The following ANKAR variants were observed in gnomAD, a reference collection of about 807,000 sequenced individuals.
The protein encoded by ANKAR is ankyrin and armadillo repeat-containing protein.
A neutral mutation model predicts 146.2 loss-of-function variants in ANKAR; 136 were observed. That is an observed-to-expected ratio of 0.93 (90% CI 0.81 to 1.07). ANKAR has a LOEUF of 1.07. Ranked by LOEUF, ANKAR falls within the 50% of genes least tolerant of loss-of-function variation. ANKAR has a pLI of 0.00. For missense variants in ANKAR, 1,567 were observed against 1,679.9 expected (o/e 0.93, Z 1.18); for synonymous variants, 500 against 575.8 (o/e 0.87, Z 1.88).
intron 7 of ANKAR, among the ~76,000 whole-genome samples, chr2:189,703,237 G>A (rs1047717280): frequency 1.3e-5 from 2 of 152,180 alleles, no homozygotes; most frequent in Admixed American, 6.5e-5. Flanking sequence ...GAAAAGATCA[G>A]ATTTATGTTT....
chr2:189,743,554 G>T, intron 21 of ANKAR, 80 bp downstream of exon 21: 1 of 1,266,650 alleles, frequency 7.9e-7, no homozygotes, highest in Non-Finnish European at 1.1e-6. Context: ...GATCCAACAA[G>T]AGGAACTATT....
rs577389959 is a variant in ANKAR at position 189,711,640 on chromosome 2, C to T, written c.2224+487C>T. Among the ~76,000 whole-genome samples the T allele has an allele frequency of 6.6e-5, 10 of 152,230 alleles. 1 individual carries two copies. In the South Asian group the frequency reaches 1.9e-3, roughly 28 times the overall value. ...CTACTGGGGTCCGTTCCAAGATGGC[C>T]AAATAGGAACAGCTCCGGTCTGCAG... On this transcript the variant is annotated intron_variant, in intron 10 of 22. Coordinates refer to ENST00000684021, the MANE Select transcript of ANKAR (RefSeq NM_001378068.1).
intron 12 of ANKAR, among the ~76,000 whole-genome samples, chr2:189,721,175 AC>A (rs1450754877): frequency 2.0e-5 from 3 of 151,982 alleles, no homozygotes; most frequent in African/African-American, 7.3e-5. Context: ...TTTAGTAGAG[AC>A]AGGGTTTCAC....
intron 6 of ANKAR, 33 bp from the exon 7 acceptor site, chr2:189,696,117 T>G: frequency 6.2e-7 from 1 of 1,604,318 alleles, no homozygotes. Flanking sequence ...TAGGTGCATT[T>G]TGATAAACTG....
chr2:189,684,019 G>C (rs1326736357), intron 2 of ANKAR, among the ~76,000 whole-genome samples: 1 of 152,140 alleles, frequency 6.6e-6, no homozygotes, highest in African/African-American at 2.4e-5. Flanking sequence ...TTTCTCAGCA[G>C]GCATTTTAGT....
intron 18 of ANKAR, chr2:189,754,324 T>G: frequency 6.2e-7 from 1 of 1,607,520 alleles, no homozygotes; most frequent in South Asian, 1.1e-5. Context: ...GGATGTTTTA[T>G]TAAAGAAAGT....
intron 18 of ANKAR, among the ~76,000 whole-genome samples, chr2:189,756,749 C>A (rs2046145177): frequency 6.6e-6 from 1 of 152,150 alleles, no homozygotes; most frequent in African/African-American, 2.4e-5. Flanking sequence ...GTCTCAAAAG[C>A]CCTCATCTCA....
intron 7 of ANKAR, among the ~76,000 whole-genome samples, chr2:189,699,798 C>T (rs750438874): frequency 6.6e-5 from 10 of 152,104 alleles, no homozygotes; most frequent in Non-Finnish European, 1.5e-4. Context: ...TCCCATGTAG[C>T]TGGGATTACA....
intron 2 of ANKAR, among the ~76,000 whole-genome samples, chr2:189,679,275 G>A (rs1021700228): frequency 6.6e-6 from 1 of 152,090 alleles, no homozygotes; most frequent in African/African-American, 2.4e-5. Context: ...TTTGTTGTTG[G>A]TGTATAGCAG....
intron 7 of ANKAR, among the ~76,000 whole-genome samples, chr2:189,704,579 ATATATATATATATATAT>A (rs2038621969): frequency 8.2e-6 from 1 of 121,352 alleles, no homozygotes; most frequent in Admixed American, 8.6e-5. Flanking sequence ...ATATATATAT[ATATATATATATATATAT>A]AATTTTAATT....
In ANKAR at chr2:189,677,068, T is replaced by C. The variant is rs1307549298; in HGVS notation, c.578T>C (p.Ile193Thr). ...GGAAAACCTCAAACAAATAAAGACATTTTTTCAGAGTTTAGTTCAGCAGGT... is the reference window on the plus strand; with the variant it reads ...GGAAAACCTCAAACAAATAAAGACACTTTTTCAGAGTTTAGTTCAGCAGGT... ...PDGKPQTNKD[I>T]FSEFSSAGLT... Residue 193 changes from isoleucine (I) to threonine (T), a missense_variant, in exon 2 of 23, where the codon ATT becomes ACT. By Grantham distance (89) the Ile-to-Thr change is moderately conservative. Transcript: ENST00000684021. 9.6e-6 allele frequency: 15 copies of C among 1,564,928 alleles called. No homozygotes were observed. The highest frequency in any genetic ancestry group is 1.3e-5 in the Non-Finnish European group (15 of 1,162,284).
intron 12 of ANKAR, among the ~76,000 whole-genome samples, chr2:189,726,591 A>G (rs1341268808): frequency 1.3e-5 from 2 of 152,098 alleles, no homozygotes; most frequent in African/African-American, 4.8e-5. Context: ...AGACCAAAAA[A>G]CCCCTGAGAA....
In ANKAR at chr2:189,677,012, G is replaced by A. The variant is rs2033795163; in HGVS notation, c.522G>A (p.Leu174=). The change falls in exon 2 of 23, where the codon TTG becomes TTA. Residue 174 remains leucine (L), a synonymous_variant. Transcript: ENST00000684021. Reference sequence around the variant, plus strand: ...AAAAACGAGCTAGATTCTCTGAATTGTGGCGTGCCATCATGGACATTGATC... The same window carrying A: ...AAAAACGAGCTAGATTCTCTGAATTATGGCGTGCCATCATGGACATTGATC... The part of the protein sequence containing the change: ...PKEKRARFSE[L]WRAIMDIDPD... 6.2e-7 allele frequency: 1 copy of A among 1,612,774 alleles called. No individual in the cohort carries two copies. The highest frequency in any genetic ancestry group is 8.5e-7 in the Non-Finnish European group (1 of 1,179,824).
chr2:189,694,985 T>G lies in ANKAR; in HGVS notation c.1312T>G (p.Tyr438Asp). The G allele has an allele frequency of 6.7e-7, 1 of 1,497,792 alleles. No individual in the cohort carries two copies. Among genetic ancestry groups the G allele is most frequent in the Non-Finnish European group, 8.9e-7 (1 of 1,119,558 alleles). 92.8% of individuals were successfully genotyped at this position (1,497,792 alleles called of 1,614,324 possible). ...PVMEFHGKSY[Y>D]VIYFELETFY... ...TTTTTTCTTTATTTTTTATAGCTAC[T>G]ATGTGATCTATTTTGAACTAGAAAC... Residue 438 changes from tyrosine to aspartate, a missense_variant, in exon 6 of 23, where the codon TAT (tyrosine) becomes GAT (aspartate). Transcript: ENST00000684021.
intron 10 of ANKAR, among the ~76,000 whole-genome samples, chr2:189,715,451 C>A (rs1192721817): frequency 6.6e-6 from 1 of 152,140 alleles, no homozygotes; most frequent in Admixed American, 6.5e-5. Context: ...TACTTAATAG[C>A]CTACCAACCA....
intron 12 of ANKAR, among the ~76,000 whole-genome samples, chr2:189,725,315 CAT>C (rs1208698882): frequency 0.034 from 4,364 of 126,776 alleles, 89 homozygotes; most frequent in African/African-American, 0.06. Flanking sequence ...CACACACACA[CAT>C]ATATATGATC....
At position 189,689,904 on chromosome 2, in the gene ANKAR, C is replaced by T; in HGVS notation, c.979C>T (p.Leu327=). Residue 327 remains leucine (L), a synonymous_variant, in exon 3 of 23, where the codon CTG becomes TTG. Coordinates refer to ENST00000684021, the MANE Select transcript of ANKAR (RefSeq NM_001378068.1). ...AATATGTTTTCTGATTCCATTTCTA[C>T]TGAGTTTAAAGAAGAAAATGAAAGT... ...KLICFLIPFL[L]SLKKKMKVPY... is the part of the protein sequence containing the mutation. 6.4e-7 allele frequency: 1 copy of T among 1,568,842 alleles called. No homozygotes were observed. The highest frequency in any genetic ancestry group is 8.6e-7 in the Non-Finnish European group (1 of 1,164,988).
chr2:189,706,895 G>C, intron 8 of ANKAR, 43 bp from the exon 9 acceptor site: 1 of 1,469,228 alleles, frequency 6.8e-7, no homozygotes, highest in Non-Finnish European at 9.2e-7. Context: ...AAGTAAATTT[G>C]ACACTCTATG....
chr2:189,755,640 C>T (rs574484862), intron 18 of ANKAR: 7 of 1,438,164 alleles, frequency 4.9e-6, no homozygotes, highest in Middle Eastern at 1.8e-4. Flanking sequence ...AAAAGCATGT[C>T]TTCAAGTTAA....
Sources: gnomAD v4.1 joint callset for allele counts (sites outside exome capture counted in the v4.1 genomes callset) on GRCh38, gnomAD v4.1.1 for gene constraint, MANE v1.5 for transcripts, NCBI Gene and HGNC (gene_info 2026-07-23, HGNC 2026-07-21) for gene names.